The following OSBPL6 variants were observed in gnomAD, a reference collection of about 807,000 sequenced individuals.
OSBPL6 encodes the protein oxysterol binding protein like 6, also known as oxysterol-binding protein-related protein 6.
Under a neutral mutation model 125.8 loss-of-function variants are expected in OSBPL6, and 49 were observed. The observed-to-expected ratio is 0.39, with a 90% CI of 0.31 to 0.49. The LOEUF (loss-of-function observed/expected upper bound fraction) is 0.49. Among genes scored for constraint, OSBPL6 ranks in the 20% least tolerant of loss-of-function variants. The pLI is 0.88. For synonymous variants in OSBPL6, 394 were observed against 391.8 expected (o/e 1.01, Z -0.07); for missense variants, 986 against 1,135.4 (o/e 0.87, Z 1.89).
At chr2:178,382,559 C>T in intron 16 of OSBPL6, 52 bp downstream of exon 16, 1 of 1,611,098 alleles carries the variant, frequency 6.2e-7, no homozygotes, top group Middle Eastern at 1.7e-4. Context: ...CAAATTGCAA[C>T]ACGAAGACTT....
At chr2:178,357,743 C>A (rs1574959991) in intron 12 of OSBPL6, among the ~76,000 whole-genome samples, 1 of 152,056 alleles carries the variant, frequency 6.6e-6, no homozygotes, top group South Asian at 2.1e-4. Flanking sequence ...GGTATATACC[C>A]AAAGGATTAT....
chr2:178,365,207 T>C lies in OSBPL6; in HGVS notation c.1287+3392T>C, dbSNP rs997014859. The stretch of plus-strand genomic sequence containing the variant: ...TAAATAAATAAAAAACTTATTTAAG[T>C]AGTCTAAAACTTTTAAAGCCTATGT... On this transcript the variant is annotated intron_variant, in intron 13 of 24. Transcript: ENST00000190611. Among the ~76,000 whole-genome samples, 7 of 152,150 alleles carry C rather than the reference T, an allele frequency of 4.6e-5. No individual in the cohort carries two copies. The East Asian group carries it at 1.4e-3, about 29-fold the overall frequency.
intron 15 of OSBPL6, among the ~76,000 whole-genome samples, chr2:178,378,098 G>A (rs1694055005): frequency 6.6e-6 from 1 of 152,050 alleles, no homozygotes; most frequent in Non-Finnish European, 1.5e-5. Flanking sequence ...CAAAGTGCTG[G>A]GACTACAGGC....
At position 178,331,855 on chromosome 2, in the gene OSBPL6, A is replaced by G. The variant is rs565458655; in HGVS notation, c.372+250A>G. 5.3e-5 allele frequency among the ~76,000 whole-genome samples: 8 copies of G among 152,310 alleles called. No homozygotes were observed. The South Asian group carries it at 6.2e-4, about 12-fold the overall frequency. On this transcript the variant is annotated intron_variant, in intron 6 of 24. Coordinates refer to ENST00000190611, the MANE Select transcript of OSBPL6 (RefSeq NM_032523.4). The stretch of plus-strand genomic sequence containing the variant: ...TTAAAAGTGACGCATGAGTAAAATC[A>G]CCTTCTGTCACTTGGATAGAAAACG...
intron 9 of OSBPL6, among the ~76,000 whole-genome samples, chr2:178,338,440 C>T (rs960371525): frequency 1.7e-4 from 26 of 152,174 alleles, no homozygotes; most frequent in African/African-American, 6.0e-4. Context: ...GCTGGACCAG[C>T]GAATGCACTT....
intron 11 of OSBPL6, chr2:178,344,364 A>C: frequency 6.2e-7 from 1 of 1,613,880 alleles, no homozygotes; most frequent in Non-Finnish European, 8.5e-7. Flanking sequence ...TACAACAGTG[A>C]GTGGATTTCA....
intron 1 of OSBPL6, among the ~76,000 whole-genome samples, chr2:178,240,788 A>G (rs2091258833): frequency 6.6e-6 from 1 of 152,212 alleles, no homozygotes; most frequent in Admixed American, 6.5e-5. Flanking sequence ...AACCATTCAC[A>G]TAATCACTTA....
In OSBPL6 at chr2:178,391,170, G is replaced by T. The variant is rs1249542791; in HGVS notation, c.2399G>T (p.Gly800Val). The change falls in exon 22 of 25, where the codon GGA becomes GTA. Residue 800 changes from glycine (G) to valine (V), a missense_variant. Transcript: ENST00000190611. The stretch of plus-strand genomic sequence containing the variant: ...CGGCTGTTTGGAAAGTGGCATGAAG[G>T]ACTCTACTGTGGTGTGGCCCCCTCT... ...VYRLFGKWHEGLYCGVAPSAK... is the reference protein window; with the variant it reads ...VYRLFGKWHEVLYCGVAPSAK... 6.2e-7 allele frequency: 1 copy of T among 1,613,744 alleles called. No individual in the cohort carries two copies. The highest frequency in any genetic ancestry group is 1.3e-5 in the African/African-American group (1 of 74,906).
At chr2:178,207,025 T>C (rs1183094164) in intron 1 of OSBPL6, among the ~76,000 whole-genome samples, 1 of 152,136 alleles carries the variant, frequency 6.6e-6, no homozygotes, top group Non-Finnish European at 1.5e-5. Context: ...CACCTCAGCC[T>C]CCCAAAGTGC....
intron 19 of OSBPL6, among the ~76,000 whole-genome samples, chr2:178,386,068 A>G (rs1694907156): frequency 6.6e-6 from 1 of 152,272 alleles, no homozygotes; most frequent in Non-Finnish European, 1.5e-5. Flanking sequence ...TACAAAGAAA[A>G]GAATATTTAT....
intron 3 of OSBPL6, among the ~76,000 whole-genome samples, chr2:178,306,558 G>A (rs1302187073): frequency 6.6e-6 from 1 of 152,132 alleles, no homozygotes; most frequent in African/African-American, 2.4e-5. Flanking sequence ...GCACCTGGAG[G>A]GGGAGCCAGC....
intron 2 of OSBPL6, among the ~76,000 whole-genome samples, chr2:178,295,022 A>T (rs995828456): frequency 6.6e-6 from 1 of 151,944 alleles, no homozygotes; most frequent in Non-Finnish European, 1.5e-5. Flanking sequence ...TCTTTTTCTC[A>T]TGGGGTTTTT....
At chr2:178,331,214 C>T (rs1689170758) in intron 5 of OSBPL6, among the ~76,000 whole-genome samples, 1 of 152,200 alleles carries the variant, frequency 6.6e-6, no homozygotes. Flanking sequence ...TCACTGTGAT[C>T]ATTTCTCACT....
At chr2:178,275,518 G>GATAATA (rs993674538) in intron 1 of OSBPL6, among the ~76,000 whole-genome samples, 1 of 151,606 alleles carries the variant, frequency 6.6e-6, no homozygotes, top group Non-Finnish European at 1.5e-5. Flanking sequence ...AAATAATAAT[G>GATAATA]ATAATAATAA....
chr2:178,235,829 A>G (rs1250136655), intron 1 of OSBPL6, among the ~76,000 whole-genome samples: 1 of 152,198 alleles, frequency 6.6e-6, no homozygotes, highest in Non-Finnish European at 1.5e-5. Context: ...AGTATTTTTC[A>G]TTAGCATAAA....
At chr2:178,207,381 T>A (rs1301780352) in intron 1 of OSBPL6, among the ~76,000 whole-genome samples, 1 of 152,196 alleles carries the variant, frequency 6.6e-6, no homozygotes, top group African/African-American at 2.4e-5. Flanking sequence ...ATACATGTAA[T>A]TGTATTTAGG....
intron 1 of OSBPL6, among the ~76,000 whole-genome samples, chr2:178,253,416 T>A (rs377124533): frequency 3.3e-5 from 5 of 152,190 alleles, no homozygotes; most frequent in African/African-American, 1.2e-4. Flanking sequence ...ATAAGTTGAG[T>A]TGATCTTCTA....
At chr2:178,264,397 G>A (rs2092162594) in intron 1 of OSBPL6, among the ~76,000 whole-genome samples, 1 of 152,112 alleles carries the variant, frequency 6.6e-6, no homozygotes, top group Non-Finnish European at 1.5e-5. Flanking sequence ...TTGCATGTCT[G>A]GTGAGTTCCC....
At chr2:178,269,342 A>G (rs1017930976) in intron 1 of OSBPL6, among the ~76,000 whole-genome samples, 2 of 152,206 alleles carry the variant, frequency 1.3e-5, no homozygotes, top group South Asian at 2.1e-4. Flanking sequence ...TGGGACTACT[A>G]TTAATGTTTA....
Sources: gnomAD v4.1 joint callset for allele counts (sites outside exome capture counted in the v4.1 genomes callset) on GRCh38, gnomAD v4.1.1 for gene constraint, MANE v1.5 for transcripts, NCBI Gene and HGNC (gene_info 2026-07-23, HGNC 2026-07-21) for gene names.